FAM47E: variants seen among roughly 807,000 people sequenced by gnomAD.
The protein encoded by FAM47E is protein FAM47E.
In FAM47E, 32 loss-of-function variants were observed where a neutral mutation model predicts 41.6. The ratio of observed to expected loss-of-function variants is 0.77; its 90% CI spans 0.58 to 1.03. The LOEUF is 1.03. FAM47E is among the 50% of genes least tolerant of loss of function. The probability of loss-of-function intolerance (pLI) is 0.00; values close to 1 mark genes in which losing one functional copy is unlikely to be tolerated. For missense variants in FAM47E, 424 were observed against 485.4 expected, an observed-to-expected ratio of 0.87 and a Z score of 1.19; for synonymous variants, 184 against 188.7, an observed-to-expected ratio of 0.98 and a Z score of 0.20.
At chr4:76,238,856 C>T (rs1452806827) in intron 2 of FAM47E, among the ~76,000 whole-genome samples, 2 of 152,132 alleles carry the variant, frequency 1.3e-5, no homozygotes, top group African/African-American at 2.4e-5. Context: ...ATCACCACTA[C>T]CCATCTCCAG....
intron 3 of FAM47E, among the ~76,000 whole-genome samples, chr4:76,265,519 T>C (rs60397621): frequency 0.35 from 53,636 of 152,114 alleles, 10,137 homozygotes; most frequent in Admixed American, 0.42. Context: ...GGATCTGTGA[T>C]ATAATAAATA....
At chr4:76,278,330 A>G in intron 6 of FAM47E, 106 bp downstream of exon 6, 1 of 1,233,722 alleles carries the variant, frequency 8.1e-7, no homozygotes, top group South Asian at 2.4e-5. Context: ...AAGGCTCCTG[A>G]AAGCCCTCCA....
At chr4:76,230,929 C>T (rs1321152465) in intron 2 of FAM47E, among the ~76,000 whole-genome samples, 2 of 152,204 alleles carry the variant, frequency 1.3e-5, no homozygotes, top group Non-Finnish European at 2.9e-5. Flanking sequence ...CAGCCACGAT[C>T]ACCTGTGCTG....
At chr4:76,283,236 G>C in intron 7 of FAM47E, 145 bp from the exon 8 acceptor site, 2 of 532,132 alleles carry the variant, frequency 3.8e-6, no homozygotes, top group East Asian at 3.0e-5. Context: ...ATCATGGTCA[G>C]ATTATTAACA....
chr4:76,251,000 G>A (rs1578769854), upstream of FAM47E, among the ~76,000 whole-genome samples: 1 of 152,082 alleles, frequency 6.6e-6, no homozygotes, highest in East Asian at 1.9e-4. Context: ...AAAAATGTAA[G>A]TACCCTGCCC....
chr4:76,226,960 C>T (rs1733408764), intron 2 of FAM47E, among the ~76,000 whole-genome samples: 1 of 151,738 alleles, frequency 6.6e-6, no homozygotes, highest in Non-Finnish European at 1.5e-5. Flanking sequence ...TTTTGTTTAT[C>T]ATTTCAAAGA....
chr4:76,256,553 C>T lies in FAM47E; in HGVS notation c.420+30C>T, dbSNP rs1042960101. On this transcript the variant is annotated intron_variant, in intron 2 of 7. Transcript: ENST00000424749. ...TGTGTCCTAGGGTTTGTGGGAGGGG[C>T]TTCACTGGGGCCTTGCAAATAATTC... 10 of 1,505,872 alleles carry T rather than the reference C, an allele frequency of 6.6e-6. No individual in the cohort carries two copies. In the African/African-American group the frequency reaches 1.3e-4, roughly 19 times the overall value. 93.3% of individuals were successfully genotyped at this position (1,505,872 alleles called of 1,614,324 possible).
chr4:76,219,172 G>T (rs1733265705), intron 2 of FAM47E, among the ~76,000 whole-genome samples: 2 of 152,236 alleles, frequency 1.3e-5, no homozygotes, highest in Admixed American at 6.5e-5. Flanking sequence ...ATAAAAATAA[G>T]CAATGGCACT....
intron 4 of FAM47E, chr4:76,269,042 G>T: frequency 2.5e-6 from 1 of 395,220 alleles, no homozygotes; most frequent in Non-Finnish European, 4.4e-6. Flanking sequence ...CATTGCAGCT[G>T]TTTCATATTT....
intron 2 of FAM47E, among the ~76,000 whole-genome samples, chr4:76,242,286 C>T (rs1015347307): frequency 2.0e-5 from 3 of 152,094 alleles, no homozygotes; most frequent in East Asian, 3.9e-4. Context: ...AGTGAGTTCT[C>T]GCAAGTTCTG....
chr4:76,282,513 G>C (rs1735398640), intron 7 of FAM47E: 1 of 152,210 alleles, frequency 6.6e-6, no homozygotes, highest in South Asian at 2.1e-4. Context: ...TGTCTGCAGG[G>C]GGAAGCACAT....
chr4:76,222,843 C>T (rs1241962957), intron 2 of FAM47E, among the ~76,000 whole-genome samples: 1 of 152,144 alleles, frequency 6.6e-6, no homozygotes, highest in Admixed American at 6.5e-5. Context: ...CCATGGAGGA[C>T]TAGTAAGCCC....
chr4:76,238,791 C>T (rs1733641375), intron 2 of FAM47E, among the ~76,000 whole-genome samples: 1 of 152,138 alleles, frequency 6.6e-6, no homozygotes, highest in Non-Finnish European at 1.5e-5. Flanking sequence ...CTATCTTAAT[C>T]ATTTTTAAGT....
At chr4:76,262,611 G>A (rs1417149584) in intron 2 of FAM47E, among the ~76,000 whole-genome samples, 1 of 152,190 alleles carries the variant, frequency 6.6e-6, no homozygotes, top group African/African-American at 2.4e-5. Flanking sequence ...AACTTTGTGT[G>A]TAAGCATTGT....
At position 76,277,434 on chromosome 4, in the gene FAM47E, C is replaced by T. The variant is rs530448425; in HGVS notation, c.871-635C>T. On this transcript the variant is annotated intron_variant, in intron 5 of 7. Coordinates refer to ENST00000424749, the MANE Select transcript of FAM47E (RefSeq NM_001136570.3). Reference sequence around the variant, plus strand: ...CTGCGAGGCGGAGCTTGCAGTGAGCCGAGATCGTGCCACTCACTGCACCCC... The same window carrying T: ...CTGCGAGGCGGAGCTTGCAGTGAGCTGAGATCGTGCCACTCACTGCACCCC... 5.3e-5 allele frequency among the ~76,000 whole-genome samples: 8 copies of T among 151,114 alleles called. No individual in the cohort carries two copies. In the East Asian group the frequency reaches 7.8e-4, roughly 15 times the overall value.
At chr4:76,271,359 C>G (rs184930911) in intron 4 of FAM47E, among the ~76,000 whole-genome samples, 1 of 152,310 alleles carries the variant, frequency 6.6e-6, no homozygotes, top group Non-Finnish European at 1.5e-5. Context: ...CATGATTTCC[C>G]TCACTGCTTC....
Position 76,274,644 on chromosome 4 carries a change from G to A in FAM47E, c.870+2876G>A, listed in dbSNP as rs189973158. On this transcript the variant is annotated intron_variant, in intron 5 of 7. Transcript: ENST00000424749. ...GGGGTAATTATTCCCTGCTATTGAG[G>A]CAAGACCCTTCTGTGTGTTCTGCCT... 7.2e-5 allele frequency among the ~76,000 whole-genome samples: 11 copies of A among 152,292 alleles called. No individual in the cohort carries two copies. The East Asian group carries it at 2.1e-3, about 29-fold the overall frequency.
At chr4:76,246,881 G>A (rs1733838577), upstream of FAM47E, among the ~76,000 whole-genome samples, 1 of 151,880 alleles carries the variant, frequency 6.6e-6, no homozygotes, top group Non-Finnish European at 1.5e-5. Flanking sequence ...TGGATTCTTA[G>A]CTCATTAATT....
At chr4:76,226,889 A>G (rs1733407528) in intron 2 of FAM47E, among the ~76,000 whole-genome samples, 1 of 152,108 alleles carries the variant, frequency 6.6e-6, no homozygotes, top group South Asian at 2.1e-4. Context: ...TTCACTTCTA[A>G]TTGAGCTTTT....
Sources: allele counts gnomAD v4.1 joint callset (sites outside exome capture counted in the v4.1 genomes callset), GRCh38; gene constraint gnomAD v4.1.1; transcripts MANE v1.5; gene names NCBI Gene and HGNC (gene_info 2026-07-23, HGNC 2026-07-21).